TAAR5: variants seen among roughly 807,000 people sequenced by gnomAD.
The protein encoded by TAAR5 is trace amine associated receptor 5, also known as trace amine-associated receptor 5.
In TAAR5, 27 loss-of-function variants were observed where a neutral mutation model predicts 21.1. The observed-to-expected ratio is 1.28, with a 90% confidence interval of 0.94 to 1.76. The LOEUF is 1.76. Among genes scored for constraint, TAAR5 ranks in the 40% most tolerant of loss-of-function variants. The pLI is 0.00. For synonymous variants in TAAR5, 203 were observed against 167.5 expected (o/e 1.21, Z -1.64); for missense variants, 495 against 405.6 (o/e 1.22, Z -1.89).
At chr6:132,601,071 A>AGGAAGGAG in the TAAR5 span, among the ~76,000 whole-genome samples, 4 of 80,142 alleles carry the variant, frequency 5.0e-5, no homozygotes, top group Admixed American at 1.2e-4. Context: ...GAAAGAAGGA[A>AGGAAGGAG]GGAAGGAGGG....
At chr6:132,600,959 G>A in the TAAR5 span, among the ~76,000 whole-genome samples, 92 of 27,382 alleles carry the variant, frequency 3.4e-3, 1 homozygote, top group African/African-American at 0.012. Flanking sequence ...GAAAGAAGGA[G>A]GGAAGGAGGG....
the TAAR5 span, among the ~76,000 whole-genome samples, chr6:132,599,410 C>A: frequency 6.7e-6 from 1 of 148,544 alleles, no homozygotes; most frequent in Non-Finnish European, 1.5e-5. Context: ...CTTGCTGCAA[C>A]CTTCACCTCC....
chr6:132,601,704 T>C, the TAAR5 span, among the ~76,000 whole-genome samples: 1 of 152,228 alleles, frequency 6.6e-6, no homozygotes, highest in Non-Finnish European at 1.5e-5. Context: ...TGTAGACTTT[T>C]CAAAAAATTT....
chr6:132,615,877 AACACACACACAC>A, the TAAR5 span, among the ~76,000 whole-genome samples: 76 of 145,246 alleles, frequency 5.2e-4, no homozygotes, highest in African/African-American at 1.2e-3. Flanking sequence ...ACCATGTATA[AACACACACACAC>A]ACACACACAC....
At chr6:132,597,173 T>C in the TAAR5 span, among the ~76,000 whole-genome samples, 3 of 152,158 alleles carry the variant, frequency 2.0e-5, no homozygotes, top group Non-Finnish European at 4.4e-5. Context: ...TTTATTTATT[T>C]GAAAAACATG....
upstream of TAAR5, among the ~76,000 whole-genome samples, chr6:132,591,421 G>C (rs953124352): frequency 6.6e-6 from 1 of 152,126 alleles, no homozygotes; most frequent in Non-Finnish European, 1.5e-5. Context: ...AAGGAAGGAG[G>C]TTGGTATGCA....
At position 132,588,936 on chromosome 6, in the gene TAAR5, C is replaced by A. The variant is rs1321287873; in HGVS notation, c.751G>T (p.Ala251Ser). Residue 251 changes from alanine (A) to serine (S), a missense_variant, in exon 1 of 1, where the codon GCC becomes TCC. Physicochemically the swap from Ala to Ser is moderately conservative, Grantham distance 99. Coordinates refer to ENST00000258034, the MANE Select transcript of TAAR5 (RefSeq NM_003967.3). The part of the protein sequence containing the change: ...AGAAKHERKA[A>S]KTLGIAVGIY... ...CCCACAGCAATGCCCAGGGTCTTGG[C>A]AGCTTTTCTCTCATGCTTGGCAGCC... 6.2e-7 allele frequency: 1 copy of A among 1,614,096 alleles called. No individual in the cohort carries two copies. Among genetic ancestry groups the A allele is most frequent in the Admixed American group, 1.7e-5 (1 of 60,014 alleles).
rs372318435 is a variant in TAAR5 at position 132,589,203 on chromosome 6, G to A, written c.484C>T (p.Pro162Ser). Residue 162 changes from proline to serine, a missense_variant, in exon 1 of 1, where the codon CCC becomes TCC. By Grantham distance (74) the Pro-to-Ser change is moderately conservative (BLOSUM62 -1). Coordinates refer to ENST00000258034, the MANE Select transcript of TAAR5 (RefSeq NM_003967.3). The part of the protein sequence containing the change: ...LRYILAGWGV[P>S]AAYTSLFLYT... ...AGGAATAACGAAGTGTATGCTGCGG[G>A]CACCCCCCATCCTGCCAGGATGTAC... 16 of 1,605,068 alleles carry A rather than the reference G, an allele frequency of 1.0e-5. No homozygotes were observed. Among genetic ancestry groups the A allele is most frequent in the Non-Finnish European group, 1.2e-5 (14 of 1,175,514 alleles).
At position 132,588,863 on chromosome 6, in the gene TAAR5, T is replaced by C. The variant is rs1295371296; in HGVS notation, c.824A>G (p.Asp275Gly). 3 of 1,614,074 alleles carry C rather than the reference T, an allele frequency of 1.9e-6. No homozygotes were observed. Among genetic ancestry groups the C allele is most frequent in the Non-Finnish European group, 2.5e-6 (3 of 1,179,972 alleles). ...WLPFTIDTMVDSLLHFITPPL... is the reference protein window; with the variant it reads ...WLPFTIDTMVGSLLHFITPPL... Reference sequence around the variant, plus strand: ...GGGTGTGATAAAGTGAAGGAGGCTGTCGACCATCGTGTCTATGGTGAAGGG... The same window carrying C: ...GGGTGTGATAAAGTGAAGGAGGCTGCCGACCATCGTGTCTATGGTGAAGGG... The change falls in exon 1 of 1, where the codon GAC (aspartate) becomes GGC (glycine). Residue 275 changes from aspartate (D) to glycine (G), a missense_variant. Coordinates refer to ENST00000258034, the MANE Select transcript of TAAR5 (RefSeq NM_003967.3).
At chr6:132,602,130 A>G in the TAAR5 span, among the ~76,000 whole-genome samples, 1 of 152,306 alleles carries the variant, frequency 6.6e-6, no homozygotes, top group Non-Finnish European at 1.5e-5. Context: ...GCTGTAGTCT[A>G]AAGCAGCCAT....
chr6:132,606,800 T>C, the TAAR5 span, among the ~76,000 whole-genome samples: 1 of 151,966 alleles, frequency 6.6e-6, no homozygotes, highest in Non-Finnish European at 1.5e-5. Context: ...AGTATCTGGG[T>C]ATTGGGAGAG....
At chr6:132,605,629 C>A in the TAAR5 span, among the ~76,000 whole-genome samples, 2 of 152,188 alleles carry the variant, frequency 1.3e-5, no homozygotes, top group Non-Finnish European at 2.9e-5. Context: ...CACATACACA[C>A]ACAAACATAC....
In TAAR5 at chr6:132,589,345, G is replaced by T; in HGVS notation, c.342C>A (p.Asp114Glu). Residue 114 changes from aspartate (D) to glutamate (E), a missense_variant, in exon 1 of 1, where the codon GAC becomes GAA. Asp to Glu is a conservative substitution (Grantham distance 45). Transcript: ENST00000258034. ...AGATGGAGGTGAGGCAGAAGAGGGT[G>T]TCCAGGTAGGTGTGCAGGCGGCAGA... is the stretch of plus-strand genomic sequence containing the variant. ...DFLCRLHTYL[D>E]TLFCLTSIFH... The T allele has an allele frequency of 6.2e-7, 1 of 1,614,052 alleles. No homozygotes were observed. The highest frequency in any genetic ancestry group is 1.1e-5 in the South Asian group (1 of 91,084).
the TAAR5 span, chr6:132,608,097 C>T: frequency 2.9e-6 from 1 of 339,812 alleles, no homozygotes; most frequent in Non-Finnish European, 5.7e-6. Flanking sequence ...GAATGTACCT[C>T]TTGTGTAGGT....
At chr6:132,596,912 C>T in the TAAR5 span, among the ~76,000 whole-genome samples, 1 of 151,974 alleles carries the variant, frequency 6.6e-6, no homozygotes, top group Admixed American at 6.6e-5. Flanking sequence ...CTTTATCTCC[C>T]CTGCATTTGT....
At chr6:132,609,002 C>T in the TAAR5 span, 441 of 455,976 alleles carry the variant, frequency 9.7e-4, 1 homozygote, top group African/African-American at 8.1e-3. Flanking sequence ...CAACTCTCCA[C>T]TGATCGCATT....
In TAAR5 at chr6:132,589,006, G is replaced by A. The variant is rs36116159; in HGVS notation, c.681C>T (p.Thr227=). Residue 227 remains threonine (T), a synonymous_variant, in exon 1 of 1, where the codon ACC becomes ACT. Coordinates refer to ENST00000258034, the MANE Select transcript of TAAR5 (RefSeq NM_003967.3). ...SLYVKIFVVA[T]RQAQQITTLS... is the part of the protein sequence containing the mutation. ...ATGTGGTAATCTGCTGAGCCTGTCT[G>A]GTAGCAACCACAAAGATCTTCACAT... 8,063 of 1,613,744 alleles carry A rather than the reference G, an allele frequency of 5.0e-3. 260 individuals carry two copies. The African/African-American group carries it at 0.082, about 16-fold the overall frequency.
chr6:132,603,302 C>CAAAAAA, the TAAR5 span, among the ~76,000 whole-genome samples: 6 of 99,242 alleles, frequency 6.0e-5, no homozygotes, highest in South Asian at 3.3e-4. Context: ...GACCCTATCT[C>CAAAAAA]AAAAAAAAAA....
the TAAR5 span, among the ~76,000 whole-genome samples, chr6:132,615,447 T>TA: frequency 0.16 from 24,124 of 151,044 alleles, 2,466 homozygotes; most frequent in Middle Eastern, 0.3. Context: ...AATCTTTATT[T>TA]AAAAAAAAAG....
Sources: gnomAD v4.1 joint callset for allele counts (sites outside exome capture counted in the v4.1 genomes callset) on GRCh38, gnomAD v4.1.1 for gene constraint, MANE v1.5 for transcripts, NCBI Gene and HGNC (gene_info 2026-07-23, HGNC 2026-07-21) for gene names.